Variants in COL19A1 observed in about 807,000 individuals in gnomAD.
COL19A1 encodes collagen alpha-1(XIX) chain.
COL19A1 carries 159 observed loss-of-function variants against 190.2 expected under a neutral mutation model. That is an observed-to-expected ratio of 0.84 (90% CI 0.73 to 0.95). The LOEUF is 0.95. COL19A1 is among the 40% of genes least tolerant of loss of function. The pLI is 0.00. For missense variants in COL19A1, 1,418 were observed against 1,431.9 expected, an observed-to-expected ratio of 0.99 and a Z score of 0.16; for synonymous variants, 509 against 458.9, an observed-to-expected ratio of 1.11 and a Z score of -1.39.
intron 11 of COL19A1, among the ~76,000 whole-genome samples, chr6:70,007,959 A>G (rs372442191): frequency 2.0e-4 from 31 of 152,104 alleles, no homozygotes; most frequent in Middle Eastern, 6.8e-3. Flanking sequence ...ATGAAAAAAT[A>G]TGATTCTCAA....
Position 70,051,298 on chromosome 6 carries a change from T to C in COL19A1, c.1170+15359T>C, listed in dbSNP as rs777035814. Among the ~76,000 whole-genome samples, 10 of 152,286 alleles carry C rather than the reference T, an allele frequency of 6.6e-5. No individual in the cohort carries two copies. In the South Asian group the frequency reaches 1.0e-3, roughly 16 times the overall value. On this transcript the variant is annotated intron_variant, in intron 14 of 50. Coordinates refer to ENST00000620364, the MANE Select transcript of COL19A1 (RefSeq NM_001858.6). Reference sequence around the variant, plus strand: ...CCAGTGTCAAGAACTGTAAAAGATATGAGATTTTACCCAACTTGAATAATA... The same window carrying C: ...CCAGTGTCAAGAACTGTAAAAGATACGAGATTTTACCCAACTTGAATAATA...
intron 9 of COL19A1, among the ~76,000 whole-genome samples, chr6:69,955,192 T>C (rs952033940): frequency 1.3e-5 from 2 of 152,134 alleles, no homozygotes; most frequent in African/African-American, 4.8e-5. Flanking sequence ...CAGGAAATCA[T>C]CACAGTTACA....
intron 11 of COL19A1, among the ~76,000 whole-genome samples, chr6:70,009,353 C>G (rs1017174698): frequency 6.6e-6 from 1 of 151,946 alleles, no homozygotes; most frequent in Admixed American, 6.6e-5. Context: ...TTTCCGTATA[C>G]AAGCAACAAT....
At chr6:70,184,135 A>G (rs983965884) in intron 44 of COL19A1, among the ~76,000 whole-genome samples, 7 of 152,186 alleles carry the variant, frequency 4.6e-5, no homozygotes, top group African/African-American at 1.7e-4. Flanking sequence ...CATATTTCCA[A>G]CTGAAAAATA....
Position 70,149,837 on chromosome 6 carries a change from C to T in COL19A1, c.1930-14C>T, listed in dbSNP as rs1786929350. The T allele has an allele frequency of 1.2e-6, 2 of 1,613,514 alleles. No individual in the cohort carries two copies. The highest frequency in any genetic ancestry group is 8.5e-7 in the Non-Finnish European group (1 of 1,179,776). On this transcript the variant is annotated splice_polypyrimidine_tract_variant and intron_variant, in intron 28 of 50. Transcript: ENST00000620364. ...TCCTCATAAGTAACTGTTTTTATTT[C>T]CCTCCTTTTCCAGGGTCCTCGAGGT...
At chr6:69,936,958 A>C (rs758437953) in intron 8 of COL19A1, 48 bp downstream of exon 8, 2 of 1,595,940 alleles carry the variant, frequency 1.3e-6, no homozygotes, top group Admixed American at 1.7e-5. Flanking sequence ...CCAGACTATG[A>C]GCCCAGCTCC....
chr6:70,211,434 G>A lies in COL19A1; in HGVS notation c.*4160G>A, dbSNP rs1007589101. Among the ~76,000 whole-genome samples, 6 of 151,588 alleles carry A rather than the reference G, an allele frequency of 4.0e-5. No individual in the cohort carries two copies. Among genetic ancestry groups the A allele is most frequent in the Non-Finnish European group, 5.9e-5 (4 of 67,880 alleles). On this transcript the variant is annotated 3_prime_UTR_variant, in exon 51 of 51. Transcript: ENST00000620364. ...GTGTTTACTGTCGCAGTTTCCCAGC[G>A]TTATTTCTTAATACTTGAGTGTTGA...
chr6:70,106,329 C>CATGT (rs59608953), intron 16 of COL19A1, among the ~76,000 whole-genome samples: 4,688 of 149,408 alleles, frequency 0.031, 88 homozygotes, highest in African/African-American at 0.049. Flanking sequence ...TAAGTGTGTG[C>CATGT]GTGTGTGTGT....
chr6:70,182,294 T>C (rs1250425987), intron 44 of COL19A1, among the ~76,000 whole-genome samples: 1 of 151,990 alleles, frequency 6.6e-6, no homozygotes, highest in Non-Finnish European at 1.5e-5. Flanking sequence ...ATCACAGCTG[T>C]GGTGTAGGGT....
chr6:70,030,242 A>G (rs1472633997), intron 12 of COL19A1, among the ~76,000 whole-genome samples: 1 of 152,316 alleles, frequency 6.6e-6, no homozygotes, highest in East Asian at 1.9e-4. Flanking sequence ...AACTGCCAAT[A>G]CATTGCTTCC....
intron 30 of COL19A1, among the ~76,000 whole-genome samples, chr6:70,151,170 T>C (rs1787034295): frequency 6.6e-6 from 1 of 152,210 alleles, no homozygotes; most frequent in African/African-American, 2.4e-5. Context: ...TGTTTGCACA[T>C]TCAAGAGAGA....
At chr6:70,179,635 T>C (rs1766038024) in intron 42 of COL19A1, among the ~76,000 whole-genome samples, 2 of 152,322 alleles carry the variant, frequency 1.3e-5, no homozygotes, top group African/African-American at 2.4e-5. Context: ...AAAAAACTTA[T>C]TTGATGCTTT....
At chr6:70,203,342 T>C (rs1767664583) in intron 49 of COL19A1, among the ~76,000 whole-genome samples, 1 of 152,186 alleles carries the variant, frequency 6.6e-6, no homozygotes, top group African/African-American at 2.4e-5. Context: ...GGAATAGTTG[T>C]TCTTACTTGT....
At chr6:70,135,556 G>A (rs1180120281) in intron 18 of COL19A1, among the ~76,000 whole-genome samples, 5 of 152,146 alleles carry the variant, frequency 3.3e-5, no homozygotes, top group African/African-American at 1.2e-4. Flanking sequence ...TTACAATATT[G>A]TTATCAAGCA....
At chr6:69,926,273 G>A (rs934671140) in intron 4 of COL19A1, among the ~76,000 whole-genome samples, 7 of 152,132 alleles carry the variant, frequency 4.6e-5, no homozygotes, top group African/African-American at 1.4e-4. Flanking sequence ...GCAAAACTAT[G>A]TACAGATAAA....
chr6:70,063,458 A>T (rs529554870), intron 14 of COL19A1, among the ~76,000 whole-genome samples: 5 of 152,150 alleles, frequency 3.3e-5, no homozygotes, highest in African/African-American at 4.8e-5. Context: ...AACATACCAG[A>T]ATCTCTGGGA....
At chr6:70,000,318 G>T (rs1311336444) in intron 11 of COL19A1, among the ~76,000 whole-genome samples, 2 of 152,142 alleles carry the variant, frequency 1.3e-5, no homozygotes, top group South Asian at 2.1e-4. Context: ...AAGTAGTGCT[G>T]CAATAAACAT....
intron 15 of COL19A1, among the ~76,000 whole-genome samples, chr6:70,099,525 T>C (rs1000476689): frequency 1.3e-5 from 2 of 150,644 alleles, no homozygotes; most frequent in African/African-American, 2.5e-5. Flanking sequence ...TATATCATTA[T>C]GTATATGCAA....
intron 11 of COL19A1, among the ~76,000 whole-genome samples, chr6:69,995,801 T>C (rs1287124892): frequency 6.6e-6 from 1 of 152,190 alleles, no homozygotes. Flanking sequence ...TTGTAGTTAC[T>C]AAAGGGAATT....
Sources: gnomAD v4.1 joint callset for allele counts (sites outside exome capture counted in the v4.1 genomes callset) on GRCh38, gnomAD v4.1.1 for gene constraint, MANE v1.5 for transcripts, NCBI Gene and HGNC (gene_info 2026-07-23, HGNC 2026-07-21) for gene names.